The following CCDC85A variants were observed in gnomAD, a reference collection of about 807,000 sequenced individuals.
The protein encoded by CCDC85A is coiled-coil domain-containing protein 85A.
Under a neutral mutation model 50.2 loss-of-function variants are expected in CCDC85A, and 38 were observed. That is an observed-to-expected ratio of 0.76 (90% CI 0.58 to 0.99). The LOEUF (loss-of-function observed/expected upper bound fraction) is 0.99, where lower values mean the gene tolerates loss of function less well. Ranked by LOEUF, CCDC85A falls within the 50% of genes least tolerant of loss-of-function variation. The pLI is 0.00. For missense variants in CCDC85A, 820 were observed against 742.0 expected, an observed-to-expected ratio of 1.11 and a Z score of -1.22; for synonymous variants, 366 against 301.4, an observed-to-expected ratio of 1.21 and a Z score of -2.22.
At position 56,284,582 on chromosome 2, in the gene CCDC85A, A is replaced by G. The variant is rs547888835; in HGVS notation, c.1241-58297A>G. On this transcript the variant is annotated intron_variant, in intron 2 of 5. Transcript: ENST00000407595. Reference sequence around the variant, plus strand: ...GAGATGGAGTTTCACCATGTTGGCCAGGCTGGTCTTGAACTCCTGACCTTA... The same window carrying G: ...GAGATGGAGTTTCACCATGTTGGCCGGGCTGGTCTTGAACTCCTGACCTTA... 7.9e-5 allele frequency among the ~76,000 whole-genome samples: 12 copies of G among 152,260 alleles called. 1 individual carries two copies. In the South Asian group the frequency reaches 2.5e-3, roughly 32 times the overall value.
chr2:56,368,804 A>T (rs6729888), intron 3 of CCDC85A, among the ~76,000 whole-genome samples: 1 of 151,610 alleles, frequency 6.6e-6, no homozygotes. Flanking sequence ...TTTATATAGT[A>T]CATATATATT....
intron 2 of CCDC85A, among the ~76,000 whole-genome samples, chr2:56,268,594 CAAA>C (rs59245276): frequency 9.7e-6 from 1 of 102,808 alleles, no homozygotes. Flanking sequence ...GATTCCGTCT[CAAA>C]AAAAAAAAAA....
Position 56,193,001 on chromosome 2 carries a change from C to T in CCDC85A, c.801C>T (p.Thr267=). 6.2e-7 allele frequency: 1 copy of T among 1,613,660 alleles called. No homozygotes were observed. The highest frequency in any genetic ancestry group is 1.1e-5 in the South Asian group (1 of 91,068). Residue 267 remains threonine (T), a synonymous_variant, in exon 2 of 6, where the codon ACC becomes ACT. Coordinates refer to ENST00000407595, the MANE Select transcript of CCDC85A (RefSeq NM_001080433.2). ...EHPQKPRACG[T]PDRPKALKGP... ...CACAGAAACCCAGAGCCTGTGGAAC[C>T]CCAGATCGCCCCAAAGCACTCAAAG...
intron 3 of CCDC85A, among the ~76,000 whole-genome samples, chr2:56,345,494 ATC>A (rs1188480680): frequency 6.6e-6 from 1 of 152,228 alleles, no homozygotes; most frequent in Admixed American, 6.5e-5. Flanking sequence ...AATGCAGTAG[ATC>A]TGTCAATTCA....
intron 3 of CCDC85A, among the ~76,000 whole-genome samples, chr2:56,354,288 T>C (rs1030718264): frequency 6.6e-6 from 1 of 152,218 alleles, no homozygotes; most frequent in African/African-American, 2.4e-5. Context: ...CCAAAATAAA[T>C]TGTTATGACA....
At chr2:56,357,836 A>T (rs1051155013) in intron 3 of CCDC85A, among the ~76,000 whole-genome samples, 2 of 151,914 alleles carry the variant, frequency 1.3e-5, no homozygotes, top group African/African-American at 4.8e-5. Flanking sequence ...CAATATGGAG[A>T]CCCAGTGTGT....
chr2:56,230,971 C>A (rs1408434063), intron 2 of CCDC85A, among the ~76,000 whole-genome samples: 3 of 152,130 alleles, frequency 2.0e-5, no homozygotes, highest in Non-Finnish European at 4.4e-5. Context: ...AAAGTATGAT[C>A]CACATATGCT....
intron 2 of CCDC85A, among the ~76,000 whole-genome samples, chr2:56,214,770 G>T (rs1308637766): frequency 1.3e-5 from 2 of 151,902 alleles, no homozygotes; most frequent in African/African-American, 4.8e-5. Flanking sequence ...ACACTGTCTT[G>T]ATTACTGTAG....
chr2:56,384,454 G>C lies in CCDC85A; in HGVS notation c.*99G>C. On this transcript the variant is annotated 3_prime_UTR_variant, in exon 6 of 6. Coordinates refer to ENST00000407595, the MANE Select transcript of CCDC85A (RefSeq NM_001080433.2). Reference sequence around the variant, plus strand: ...GGGTTTCCACAAACCTGGACTCATGGAATAACATGGAGTGATTGTACATTG... The same window carrying C: ...GGGTTTCCACAAACCTGGACTCATGCAATAACATGGAGTGATTGTACATTG... The C allele has an allele frequency of 1.0e-6, 1 of 959,678 alleles. No individual in the cohort carries two copies. Among genetic ancestry groups the C allele is most frequent in the Non-Finnish European group, 1.6e-6 (1 of 608,500 alleles). The allele number at this position is 959,678 out of a possible 1,614,324, so 59.4% of individuals were successfully genotyped here.
chr2:56,294,362 A>C (rs1671852924), intron 2 of CCDC85A, among the ~76,000 whole-genome samples: 1 of 152,180 alleles, frequency 6.6e-6, no homozygotes, highest in Admixed American at 6.5e-5. Flanking sequence ...TGGTGGGTTG[A>C]TAGATGTGGC....
chr2:56,187,897 G>T (rs888346862), intron 1 of CCDC85A, among the ~76,000 whole-genome samples: 2 of 152,222 alleles, frequency 1.3e-5, no homozygotes, highest in African/African-American at 4.8e-5. Context: ...GATTCGGGAT[G>T]AATCTCTGTA....
chr2:56,371,928 C>G (rs1250810777), intron 3 of CCDC85A, among the ~76,000 whole-genome samples: 3 of 152,104 alleles, frequency 2.0e-5, no homozygotes, highest in Admixed American at 6.6e-5. Flanking sequence ...AACAAAAGGG[C>G]ATAGTGCTCC....
At chr2:56,328,320 T>C (rs548993967) in intron 2 of CCDC85A, among the ~76,000 whole-genome samples, 1 of 152,174 alleles carries the variant, frequency 6.6e-6, no homozygotes, top group Admixed American at 6.5e-5. Context: ...GATTTGTGTC[T>C]TTGTCTATTG....
chr2:56,230,541 T>G (rs1668731038), intron 2 of CCDC85A, among the ~76,000 whole-genome samples: 1 of 152,170 alleles, frequency 6.6e-6, no homozygotes, highest in Non-Finnish European at 1.5e-5. Context: ...GTTGGAAATG[T>G]GCTTTTAAAA....
At chr2:56,297,437 A>G (rs1275859478) in intron 2 of CCDC85A, among the ~76,000 whole-genome samples, 1 of 146,964 alleles carries the variant, frequency 6.8e-6, no homozygotes, top group African/African-American at 2.5e-5. Flanking sequence ...TGAAATAACT[A>G]TATATTTTTT....
intron 2 of CCDC85A, among the ~76,000 whole-genome samples, chr2:56,331,487 C>A (rs1673787334): frequency 6.6e-6 from 1 of 152,150 alleles, no homozygotes. Flanking sequence ...TAGCACTCTG[C>A]AATATATCCA....
chr2:56,316,436 A>G (rs1380889679), intron 2 of CCDC85A, among the ~76,000 whole-genome samples: 1 of 152,158 alleles, frequency 6.6e-6, no homozygotes, highest in Non-Finnish European at 1.5e-5. Context: ...TTGAGTGCAT[A>G]GGAAGATCAG....
rs1414138899 is a variant in CCDC85A, at chr2:56,385,279, G to A, written c.*924G>A. 2 of 152,152 alleles carry A rather than the reference G, an allele frequency of 1.3e-5. No homozygotes were observed. The highest frequency in any genetic ancestry group is 4.8e-5 in the African/African-American group (2 of 41,352). 9.4% of individuals were successfully genotyped at this position (152,152 alleles called of 1,614,324 possible). ...TATGTAAACTTTAAAATATTGCACTGCATTTATGAAAAAAGCTTTCTTTGC... is the reference window on the plus strand; with the variant it reads ...TATGTAAACTTTAAAATATTGCACTACATTTATGAAAAAAGCTTTCTTTGC... On this transcript the variant is annotated 3_prime_UTR_variant, in exon 6 of 6. Coordinates refer to ENST00000407595, the MANE Select transcript of CCDC85A (RefSeq NM_001080433.2).
rs1034342601 is a variant in CCDC85A at position 56,185,220 on chromosome 2, G to C, written c.276+320G>C. Among the ~76,000 whole-genome samples, 17 of 152,220 alleles carry C rather than the reference G, an allele frequency of 1.1e-4. 1 individual carries two copies. The highest frequency in any genetic ancestry group is 1.1e-3 in the Admixed American group (17 of 15,288). Reference sequence around the variant, plus strand: ...AGGGAGGCTGGAAAATCTGTGCCTGGGGAGCCGGGTTTCAGTCAGTTAGGC... The same window carrying C: ...AGGGAGGCTGGAAAATCTGTGCCTGCGGAGCCGGGTTTCAGTCAGTTAGGC... On this transcript the variant is annotated intron_variant, in intron 1 of 5. Coordinates refer to ENST00000407595, the MANE Select transcript of CCDC85A (RefSeq NM_001080433.2).
Sources: gnomAD v4.1 joint callset for allele counts (sites outside exome capture counted in the v4.1 genomes callset) on GRCh38, gnomAD v4.1.1 for gene constraint, MANE v1.5 for transcripts, NCBI Gene and HGNC (gene_info 2026-07-23, HGNC 2026-07-21) for gene names.